The following THRAP3 variants were observed in gnomAD, a reference collection of about 807,000 sequenced individuals.
THRAP3 encodes thyroid hormone receptor-associated protein 3.
A neutral mutation model predicts 101.0 loss-of-function variants in THRAP3; 16 were observed. That is an observed-to-expected ratio of 0.16 (90% CI 0.11 to 0.24). The LOEUF (loss-of-function observed/expected upper bound fraction) is 0.24. Among genes scored for constraint, THRAP3 ranks in the 10% least tolerant of loss-of-function variants. The pLI, the probability that THRAP3 is intolerant of heterozygous loss-of-function variation, is 1.00. For missense variants in THRAP3, 989 were observed against 1,202.7 expected (o/e 0.82, Z 2.63); for synonymous variants, 407 against 422.6 (o/e 0.96, Z 0.45).
chr1:36,293,373 G>A (rs1645902975), intron 7 of THRAP3, among the ~76,000 whole-genome samples: 1 of 152,134 alleles, frequency 6.6e-6, no homozygotes, highest in Non-Finnish European at 1.5e-5. Flanking sequence ...ATATTTCATG[G>A]TAGTTTAATC....
In THRAP3 at chr1:36,282,533, G is replaced by T. The variant is rs1296058126; in HGVS notation, c.-31G>T. On this transcript the variant is annotated splice_region_variant and 5_prime_UTR_variant, in exon 3 of 12. Transcript: ENST00000354618. ...GTTCTAATGCATTTTCTTACATTAG[G>T]TGTAATTGAAAAGTGATCCTCTCTT... 2.3e-5 allele frequency: 37 copies of T among 1,607,346 alleles called. No individual in the cohort carries two copies. In the Admixed American group the frequency reaches 6.2e-4, roughly 27 times the overall value.
intron 1 of THRAP3, among the ~76,000 whole-genome samples, chr1:36,248,141 A>G (rs947949434): frequency 1.3e-5 from 2 of 152,146 alleles, no homozygotes; most frequent in African/African-American, 4.8e-5. Flanking sequence ...TGGCCTACCA[A>G]AGTGCTGGGA....
chr1:36,208,424 G>T, the THRAP3 span, among the ~76,000 whole-genome samples: 2 of 151,764 alleles, frequency 1.3e-5, no homozygotes, highest in Admixed American at 1.3e-4. Flanking sequence ...GTGCTTTTCC[G>T]GCTGTTTGAC....
chr1:36,275,586 C>T (rs867229876), intron 2 of THRAP3, among the ~76,000 whole-genome samples: 7 of 13,824 alleles, frequency 5.1e-4, no homozygotes, highest in Admixed American at 1.4e-3. Flanking sequence ...GACTCTGTCT[C>T]AAAAAAAAAA....
At chr1:36,219,943 C>A (rs1376662652), upstream of THRAP3, among the ~76,000 whole-genome samples, 3 of 152,170 alleles carry the variant, frequency 2.0e-5, no homozygotes, top group African/African-American at 7.2e-5. Context: ...AAGAATTACG[C>A]TAAATCTAAT....
At chr1:36,295,792 C>G (rs1645941365) in intron 8 of THRAP3, among the ~76,000 whole-genome samples, 1 of 151,936 alleles carries the variant, frequency 6.6e-6, no homozygotes, top group Admixed American at 6.6e-5. Flanking sequence ...TCCATTGTCT[C>G]TCTTTGGACT....
the THRAP3 span, among the ~76,000 whole-genome samples, chr1:36,215,769 G>A: frequency 7.4e-4 from 109 of 146,734 alleles, 2 homozygotes; most frequent in East Asian, 0.013. Flanking sequence ...TTTTTTTTGA[G>A]ACAGAGTTTT....
chr1:36,282,556 C>T lies in THRAP3; in HGVS notation c.-8C>T. The T allele has an allele frequency of 1.2e-6, 2 of 1,613,746 alleles. No homozygotes were observed. On this transcript the variant is annotated 5_prime_UTR_variant, in exon 3 of 12. Transcript: ENST00000354618. ...AGGTGTAATTGAAAAGTGATCCTCT[C>T]TTCAGAGATGTCAAAAACAAACAAA...
intron 2 of THRAP3, among the ~76,000 whole-genome samples, chr1:36,264,580 C>G (rs139154715): frequency 6.6e-6 from 1 of 152,142 alleles, no homozygotes; most frequent in Admixed American, 6.5e-5. Flanking sequence ...ACCTTAGTGC[C>G]CCTCTTGAAG....
upstream of THRAP3, among the ~76,000 whole-genome samples, chr1:36,223,189 G>T (rs1183761692): frequency 1.3e-5 from 2 of 152,218 alleles, no homozygotes; most frequent in East Asian, 1.9e-4. Flanking sequence ...GAAGCACTGC[G>T]CAGTACGTCG....
At chr1:36,260,926 A>C (rs1211927054) in intron 2 of THRAP3, among the ~76,000 whole-genome samples, 1 of 151,996 alleles carries the variant, frequency 6.6e-6, no homozygotes, top group African/African-American at 2.4e-5. Context: ...TTCACAGCCC[A>C]GTCATTTTAC....
intron 2 of THRAP3, among the ~76,000 whole-genome samples, chr1:36,273,624 T>G (rs1264652809): frequency 6.6e-6 from 1 of 152,162 alleles, no homozygotes; most frequent in Non-Finnish European, 1.5e-5. Context: ...TCTAAATTGG[T>G]GAAGAAGTAA....
Position 36,257,089 on chromosome 1 carries a change from G to A in THRAP3, c.-134-2293G>A, listed in dbSNP as rs548740270. Among the ~76,000 whole-genome samples the A allele has an allele frequency of 1.6e-4, 25 of 152,196 alleles. 1 individual carries two copies. The East Asian group carries it at 3.9e-3, about 23-fold the overall frequency. ...TGGGATTACAGGTGTGAGCCACCGC[G>A]CTTGGCCAACATTGCAGACATTCTT... On this transcript the variant is annotated intron_variant, in intron 1 of 11. Coordinates refer to ENST00000354618, the MANE Select transcript of THRAP3 (RefSeq NM_005119.4).
chr1:36,286,324 T>G lies in THRAP3; in HGVS notation c.138-44T>G. On this transcript the variant is annotated intron_variant, in intron 3 of 11. Coordinates refer to ENST00000354618, the MANE Select transcript of THRAP3 (RefSeq NM_005119.4). The surrounding 1 kb of genome is among the most constrained non-coding windows in gnomAD (Gnocchi z 5.5). ...CAGATTTTTCTTGAATAAAAATGCT[T>G]GTGTCAAAAATTCAAACATTTGTCT... 1 of 1,514,850 alleles carries G rather than the reference T, an allele frequency of 6.6e-7. No individual in the cohort carries two copies. Among genetic ancestry groups the G allele is most frequent in the South Asian group, 1.3e-5 (1 of 75,684 alleles). 93.8% of individuals were successfully genotyped at this position (1,514,850 alleles called of 1,614,324 possible). A position where few individuals can be genotyped will look rare whatever the true frequency, so the allele number is the denominator to read the frequency against.
intron 9 of THRAP3, among the ~76,000 whole-genome samples, chr1:36,297,982 T>C (rs932489238): frequency 2.1e-5 from 3 of 141,130 alleles, no homozygotes; most frequent in Admixed American, 2.1e-4. Context: ...CTGTCTCTAC[T>C]GAAAAAAAAA....
intron 2 of THRAP3, among the ~76,000 whole-genome samples, chr1:36,259,980 T>C (rs144455911): frequency 0.01 from 1,571 of 152,104 alleles, 20 homozygotes; most frequent in African/African-American, 0.034. Context: ...TGGTGGCTCC[T>C]GACTGTAATC....
chr1:36,262,706 T>TA (rs1645461301), intron 2 of THRAP3, among the ~76,000 whole-genome samples: 1 of 152,156 alleles, frequency 6.6e-6, no homozygotes, highest in Non-Finnish European at 1.5e-5. Flanking sequence ...TTTTTAAAGT[T>TA]CTGTAGGTGA....
intron 1 of THRAP3, among the ~76,000 whole-genome samples, chr1:36,233,998 C>G (rs1367154919): frequency 1.3e-5 from 2 of 151,946 alleles, no homozygotes; most frequent in East Asian, 3.9e-4. Flanking sequence ...TTTTGTCACC[C>G]AGGCTGGAGT....
intron 2 of THRAP3, among the ~76,000 whole-genome samples, chr1:36,279,482 C>T (rs186013804): frequency 2.0e-5 from 3 of 152,168 alleles, no homozygotes; most frequent in Non-Finnish European, 4.4e-5. Flanking sequence ...TTTGTTTATA[C>T]CTCCACCTCC....
Sources: allele counts gnomAD v4.1 joint callset (sites outside exome capture counted in the v4.1 genomes callset), GRCh38; gene constraint gnomAD v4.1.1; non-coding constraint Gnocchi (gnomAD v3.1); transcripts MANE v1.5; gene names NCBI Gene and HGNC (gene_info 2026-07-23, HGNC 2026-07-21).